Variants in SLIT3 observed in about 807,000 individuals in gnomAD.
The protein encoded by SLIT3 is slit guidance ligand 3.
In SLIT3, 68 loss-of-function variants were observed where a neutral mutation model predicts 184.0. The ratio of observed to expected loss-of-function variants is 0.37; its 90% CI spans 0.30 to 0.45. SLIT3 has a LOEUF of 0.45. Among genes scored for constraint, SLIT3 ranks in the 20% least tolerant of loss-of-function variants. The pLI is 1.00. For synonymous variants in SLIT3, 831 were observed against 828.6 expected, an observed-to-expected ratio of 1.00 and a Z score of -0.05; for missense variants, 1,707 against 2,026.0, an observed-to-expected ratio of 0.84 and a Z score of 3.02.
intron 9 of SLIT3, among the ~76,000 whole-genome samples, chr5:168,802,354 C>T (rs903907748): frequency 6.6e-6 from 1 of 152,120 alleles, no homozygotes; most frequent in Non-Finnish European, 1.5e-5. Context: ...CCCCCTCCAA[C>T]CTGCTCTCAA....
chr5:169,006,687 T>C (rs1276396272), intron 4 of SLIT3, among the ~76,000 whole-genome samples: 1 of 151,952 alleles, frequency 6.6e-6, no homozygotes, highest in Admixed American at 6.6e-5. Context: ...AGAAACAGGA[T>C]TTGAAAATTC....
intron 1 of SLIT3, among the ~76,000 whole-genome samples, chr5:169,275,293 T>C (rs1309908688): frequency 6.6e-6 from 1 of 152,226 alleles, no homozygotes; most frequent in Non-Finnish European, 1.5e-5. Context: ...CAGTTAGTTA[T>C]ACGACTGTCA....
intron 31 of SLIT3, 104 bp downstream of exon 31, chr5:168,685,583 A>T (rs1339965551): frequency 7.2e-7 from 1 of 1,395,932 alleles, no homozygotes; most frequent in Admixed American, 2.4e-5. Flanking sequence ...GTTGTCCCTG[A>T]TGGTGCTTTA....
chr5:168,770,779 A>T (rs1050705074), intron 14 of SLIT3, among the ~76,000 whole-genome samples: 20 of 152,018 alleles, frequency 1.3e-4, no homozygotes. Context: ...GATCCTGCAG[A>T]TCTACAGGTA....
At chr5:169,107,751 T>C (rs1760269682) in intron 4 of SLIT3, among the ~76,000 whole-genome samples, 1 of 152,242 alleles carries the variant, frequency 6.6e-6, no homozygotes, top group African/African-American at 2.4e-5. Context: ...CAATTTGCCT[T>C]CTTTCAGTTC....
intron 4 of SLIT3, among the ~76,000 whole-genome samples, chr5:169,085,154 C>T (rs564620919): frequency 6.6e-6 from 1 of 152,220 alleles, no homozygotes; most frequent in African/African-American, 2.4e-5. Context: ...AGCCCTCCAA[C>T]TTCTACTGGG....
intron 3 of SLIT3, among the ~76,000 whole-genome samples, chr5:169,209,856 G>T (rs1764200880): frequency 6.6e-6 from 1 of 152,106 alleles, no homozygotes; most frequent in Non-Finnish European, 1.5e-5. Context: ...AAGATGGTTT[G>T]ACGGGGTGCA....
intron 4 of SLIT3, among the ~76,000 whole-genome samples, chr5:169,123,496 C>T (rs1014027649): frequency 2.6e-5 from 4 of 152,088 alleles, no homozygotes; most frequent in Middle Eastern, 3.2e-3. Context: ...AAGCGCAAAC[C>T]ATAGCCAATG....
intron 4 of SLIT3, among the ~76,000 whole-genome samples, chr5:168,967,051 A>G (rs970683066): frequency 2.0e-5 from 3 of 152,142 alleles, no homozygotes; most frequent in Non-Finnish European, 2.9e-5. Context: ...AAAACCACCT[A>G]AATTTCCCAA....
intron 25 of SLIT3, among the ~76,000 whole-genome samples, chr5:168,709,884 G>T (rs1762498155): frequency 6.6e-6 from 1 of 151,828 alleles, no homozygotes; most frequent in Non-Finnish European, 1.5e-5. Context: ...AGAAAATAAT[G>T]AGAGTCTAAT....
intron 4 of SLIT3, among the ~76,000 whole-genome samples, chr5:168,933,416 C>T (rs1390453722): frequency 6.6e-6 from 1 of 152,166 alleles, no homozygotes; most frequent in Non-Finnish European, 1.5e-5. Context: ...GTGGTATGCA[C>T]CTGTAGTCCC....
intron 8 of SLIT3, among the ~76,000 whole-genome samples, chr5:168,812,985 T>A (rs1464091270): frequency 6.6e-6 from 1 of 151,700 alleles, no homozygotes. Flanking sequence ...ATTGAGAGGC[T>A]ATTAGGTTCA....
intron 4 of SLIT3, among the ~76,000 whole-genome samples, chr5:168,928,108 G>A (rs1761886016): frequency 6.6e-6 from 1 of 152,174 alleles, no homozygotes; most frequent in Non-Finnish European, 1.5e-5. Context: ...GTACCCAGGA[G>A]AGTGCTTGAC....
intron 11 of SLIT3, among the ~76,000 whole-genome samples, chr5:168,788,509 T>C (rs1211762578): frequency 6.6e-6 from 1 of 152,178 alleles, no homozygotes; most frequent in African/African-American, 2.4e-5. Context: ...CCAGACAGCA[T>C]GGGTTCAAAT....
chr5:168,842,133 G>A (rs1009004685), intron 6 of SLIT3, among the ~76,000 whole-genome samples: 5 of 152,142 alleles, frequency 3.3e-5, no homozygotes, highest in Admixed American at 3.3e-4. Flanking sequence ...GGGGAGGGGA[G>A]GTTCTTTAAA....
At chr5:169,036,991 A>T (rs1195201212) in intron 4 of SLIT3, among the ~76,000 whole-genome samples, 1 of 152,164 alleles carries the variant, frequency 6.6e-6, no homozygotes, top group African/African-American at 2.4e-5. Flanking sequence ...TCATAGTGGG[A>T]CAAGCAAAAC....
In SLIT3 at chr5:168,662,953, T is replaced by G. The variant is rs1307964065; in HGVS notation, c.*3501A>C. ...AGCCTCATTTCGGGGAGAATTTTCT[T>G]AATGGTCCTTGCATTTGGCATTTCT... On this transcript the variant is annotated 3_prime_UTR_variant, in exon 36 of 36. Transcript: ENST00000519560. 6.6e-6 allele frequency: 1 copy of G among 152,244 alleles called. No homozygotes were observed. The highest frequency in any genetic ancestry group is 1.5e-5 in the Non-Finnish European group (1 of 68,056). 9.4% of individuals were successfully genotyped at this position (152,244 alleles called of 1,614,324 possible).
At chr5:168,823,357 TCAGC>T in intron 6 of SLIT3, 26 bp from the exon 7 acceptor site, 1 of 1,572,832 alleles carries the variant, frequency 6.4e-7, no homozygotes, top group East Asian at 2.2e-5. Context: ...AGGGAGATGG[TCAGC>T]CAGGCAGCAG....
chr5:168,805,618 C>T (rs1756928592), intron 9 of SLIT3, among the ~76,000 whole-genome samples: 1 of 152,054 alleles, frequency 6.6e-6, no homozygotes, highest in South Asian at 2.1e-4. Flanking sequence ...TGGACTAGAC[C>T]GAACTATGTG....
Sources: gnomAD v4.1 joint callset for allele counts (sites outside exome capture counted in the v4.1 genomes callset) on GRCh38, gnomAD v4.1.1 for gene constraint, MANE v1.5 for transcripts, NCBI Gene and HGNC (gene_info 2026-07-23, HGNC 2026-07-21) for gene names.